The following TCF4 variants were observed in gnomAD, a reference collection of about 807,000 sequenced individuals.
TCF4 encodes the protein transcription factor 4.
Under a neutral mutation model 82.1 loss-of-function variants are expected in TCF4, and 3 were observed. The observed-to-expected ratio is 0.04, with a 90% confidence interval of 0.02 to 0.09. The LOEUF (loss-of-function observed/expected upper bound fraction) is 0.09. Ranked by LOEUF, TCF4 falls within the 10% of genes least tolerant of loss-of-function variation. TCF4 has a pLI of 1.00. For synonymous variants in TCF4, 276 were observed against 309.6 expected (o/e 0.89, Z 1.14); for missense variants, 518 against 852.7 (o/e 0.61, Z 4.89).
chr18:55,226,193 C>T lies in TCF4; in HGVS notation c.*1842G>A, dbSNP rs1011573488. The T allele has an allele frequency of 6.6e-6, 1 of 152,420 alleles. No individual in the cohort carries two copies. The highest frequency in any genetic ancestry group is 2.4e-5 in the African/African-American group (1 of 41,372). 9.4% of individuals were successfully genotyped at this position (152,420 alleles called of 1,614,324 possible). A position where few individuals can be genotyped will look rare whatever the true frequency, so the allele number is the denominator to read the frequency against. ...CTATATAACTGGCAAAACAGGAGAACAGATGGAACATTTAGACCATTTCAA... is the reference window on the plus strand; with the variant it reads ...CTATATAACTGGCAAAACAGGAGAATAGATGGAACATTTAGACCATTTCAA... On this transcript the variant is annotated 3_prime_UTR_variant, in exon 20 of 20. Transcript: ENST00000354452.
chr18:55,317,753 G>C (rs1478244942), intron 8 of TCF4, among the ~76,000 whole-genome samples: 4 of 152,076 alleles, frequency 2.6e-5, no homozygotes, highest in Non-Finnish European at 4.4e-5. Context: ...TCCCAATTGA[G>C]AGATTCTGAT....
chr18:55,563,247 A>C (rs2097371241), intron 3 of TCF4, among the ~76,000 whole-genome samples: 1 of 151,790 alleles, frequency 6.6e-6, no homozygotes, highest in Non-Finnish European at 1.5e-5. Flanking sequence ...TCAAAAAAAA[A>C]AAAAAAAAAA....
intron 5 of TCF4, chr18:55,422,135 A>T: frequency 2.5e-6 from 2 of 794,226 alleles, no homozygotes; most frequent in Non-Finnish European, 2.9e-6. Flanking sequence ...CAAAAAAAAA[A>T]AAAAAAAAAA....
rs189272060 is a variant in TCF4, at chr18:55,374,691, G to C, written c.370-23688C>G. ...TAAGGCAGGCAGATGGCTAAGTCCA[G>C]GAGTTCAAGACCAGCATGAGCAACA... On this transcript the variant is annotated intron_variant, in intron 6 of 19. Transcript: ENST00000354452. 1.4e-3 allele frequency among the ~76,000 whole-genome samples: 220 copies of C among 151,906 alleles called. 1 individual carries two copies. Among genetic ancestry groups the C allele is most frequent in the African/African-American group, 4.1e-3 (171 of 41,432 alleles).
chr18:55,261,174 G>A (rs1157336983), intron 12 of TCF4: 1 of 368,658 alleles, frequency 2.7e-6, no homozygotes. Flanking sequence ...TTACTTTAGA[G>A]AAAAATAAGA....
chr18:55,276,946 C>G (rs2061595314), intron 9 of TCF4, among the ~76,000 whole-genome samples: 1 of 152,126 alleles, frequency 6.6e-6, no homozygotes, highest in Non-Finnish European at 1.5e-5. Flanking sequence ...GCAGATTCCT[C>G]TCTTTAAGAA....
intron 1 of TCF4, among the ~76,000 whole-genome samples, chr18:55,587,376 C>CTT (rs2097660073): frequency 1.8e-5 from 1 of 55,338 alleles, no homozygotes; most frequent in Non-Finnish European, 3.3e-5. Context: ...AAAAAAAAAG[C>CTT]GATATTGTAT....
rs543671329 is a variant in TCF4, at chr18:55,554,500, A to C, written c.145+30780T>G. Among the ~76,000 whole-genome samples, 9 of 152,128 alleles carry C rather than the reference A, an allele frequency of 5.9e-5. No individual in the cohort carries two copies. In the South Asian group the frequency reaches 1.9e-3, roughly 32 times the overall value. On this transcript the variant is annotated intron_variant, in intron 3 of 19. Coordinates refer to ENST00000354452, the MANE Select transcript of TCF4 (RefSeq NM_001083962.2). ...AATCCATGAAATTCTTATATTTTTT[A>C]TTTTCTGCCTTATATTCGTGTGTAC...
chr18:55,378,663 T>C (rs1002259280), intron 6 of TCF4, among the ~76,000 whole-genome samples: 2 of 152,290 alleles, frequency 1.3e-5, no homozygotes, highest in South Asian at 2.1e-4. Flanking sequence ...TTGGTCTCCA[T>C]ATAGTGGGAC....
chr18:55,458,665 A>G (rs1013978468), intron 5 of TCF4, among the ~76,000 whole-genome samples: 1 of 152,222 alleles, frequency 6.6e-6, no homozygotes, highest in African/African-American at 2.4e-5. Context: ...TGTTCCCCGA[A>G]TCTAGCCTTC....
intron 3 of TCF4, among the ~76,000 whole-genome samples, chr18:55,548,693 T>C (rs1410899257): frequency 6.6e-6 from 1 of 152,364 alleles, no homozygotes; most frequent in Admixed American, 6.5e-5. Flanking sequence ...CATAGCCTAT[T>C]GCTCCAAGGC....
chr18:55,278,126 C>G (rs745824612), intron 9 of TCF4, among the ~76,000 whole-genome samples: 8 of 152,252 alleles, frequency 5.3e-5, no homozygotes, highest in Non-Finnish European at 1.0e-4. Flanking sequence ...CGTGAACTAA[C>G]AAACTAAAAG....
intron 2 of TCF4, among the ~76,000 whole-genome samples, chr18:55,612,723 G>A (rs1401310017): frequency 4.6e-5 from 7 of 152,116 alleles, no homozygotes; most frequent in East Asian, 1.9e-4. Context: ...TGAGGCCGGC[G>A]GATCACCTGA....
exon 1 of TCF4, chr18:55,635,910 T>C: frequency 6.4e-7 from 1 of 1,572,516 alleles, no homozygotes; most frequent in East Asian, 2.4e-5. Flanking sequence ...TGTTGTTCCT[T>C]TGGCCGCATA....
At chr18:55,411,182 T>A (rs1423973582) in intron 5 of TCF4, among the ~76,000 whole-genome samples, 2 of 152,146 alleles carry the variant, frequency 1.3e-5, no homozygotes, top group African/African-American at 4.8e-5. Flanking sequence ...ACCACCAAAG[T>A]AATGATTTTC....
At position 55,269,967 on chromosome 18, in the gene TCF4, T is replaced by C. The variant is rs765187021; in HGVS notation, c.790-4A>G. On this transcript the variant is annotated splice_polypyrimidine_tract_variant and splice_region_variant and intron_variant, in intron 10 of 19. Coordinates refer to ENST00000354452, the MANE Select transcript of TCF4 (RefSeq NM_001083962.2). ...CTGAGGAGTGTGATGGATAGCTCTA[T>C]AGCAAGAAGCAGAAAAAGGTGGCCA... 7.4e-6 allele frequency: 12 copies of C among 1,612,968 alleles called. No homozygotes were observed. In the East Asian group the frequency reaches 1.8e-4, roughly 24 times the overall value.
intron 3 of TCF4, among the ~76,000 whole-genome samples, chr18:55,495,443 G>A (rs1337204094): frequency 6.6e-6 from 1 of 152,022 alleles, no homozygotes; most frequent in African/African-American, 2.4e-5. Flanking sequence ...AACTTTAGAA[G>A]TTCAAAGTGT....
chr18:55,322,253 CCCTCT>C (rs2075763540), intron 8 of TCF4: 1 of 1,057,528 alleles, frequency 9.5e-7, no homozygotes, highest in Non-Finnish European at 1.1e-6. Flanking sequence ...CTCTCTCTCT[CCCTCT>C]CTTTCTTTTT....
chr18:55,506,264 T>G (rs759287228), intron 3 of TCF4, among the ~76,000 whole-genome samples: 1 of 152,216 alleles, frequency 6.6e-6, no homozygotes, highest in Non-Finnish European at 1.5e-5. Flanking sequence ...TCATCCCACG[T>G]GATTCTATCA....
Sources: gnomAD v4.1 joint callset for allele counts (sites outside exome capture counted in the v4.1 genomes callset) on GRCh38, gnomAD v4.1.1 for gene constraint, MANE v1.5 for transcripts, NCBI Gene and HGNC (gene_info 2026-07-23, HGNC 2026-07-21) for gene names.